The following LRMDA variants were observed in gnomAD, a reference collection of about 807,000 sequenced individuals.
The protein encoded by LRMDA is leucine-rich melanocyte differentiation-associated protein.
Under a neutral mutation model 29.8 loss-of-function variants are expected in LRMDA, and 18 were observed. The observed-to-expected ratio is 0.60, with a 90% confidence interval of 0.42 to 0.90. LRMDA has a LOEUF of 0.90. Ranked by LOEUF, LRMDA falls within the 40% of genes least tolerant of loss-of-function variation. The pLI, the probability that LRMDA is intolerant of heterozygous loss-of-function variation, is 0.00. For synonymous variants in LRMDA, 125 were observed against 109.4 expected (o/e 1.14, Z -0.89); for missense variants, 273 against 273.9 (o/e 1.00, Z 0.02).
intron 2 of LRMDA, among the ~76,000 whole-genome samples, chr10:76,020,055 T>A (rs1297623123): frequency 6.6e-6 from 1 of 152,220 alleles, no homozygotes; most frequent in African/African-American, 2.4e-5. Context: ...TGTAGTGAGT[T>A]CAGCCCACTG....
chr10:76,306,648 C>T (rs1000439581), intron 5 of LRMDA, among the ~76,000 whole-genome samples: 5 of 152,034 alleles, frequency 3.3e-5, no homozygotes, highest in Admixed American at 1.3e-4. Context: ...TAAAGAGGGC[C>T]GAGTGATAGA....
At chr10:76,095,677 T>A (rs1056834450) in intron 5 of LRMDA, among the ~76,000 whole-genome samples, 2 of 152,252 alleles carry the variant, frequency 1.3e-5, no homozygotes, top group Non-Finnish European at 2.9e-5. Context: ...AATATCTTTT[T>A]GTTTTAGTTT....
chr10:76,186,244 TTC>T (rs1374611838), intron 5 of LRMDA, among the ~76,000 whole-genome samples: 2 of 152,152 alleles, frequency 1.3e-5, no homozygotes, highest in Non-Finnish European at 2.9e-5. Context: ...AAGGCAGAAA[TTC>T]TCTGTTTAGC....
At chr10:76,148,081 G>A (rs997752527) in intron 5 of LRMDA, among the ~76,000 whole-genome samples, 2 of 152,184 alleles carry the variant, frequency 1.3e-5, no homozygotes, top group African/African-American at 4.8e-5. Context: ...CGTGTGAGGT[G>A]TCAGTCTGCC....
chr10:76,059,643 A>G (rs1202020592), intron 5 of LRMDA, among the ~76,000 whole-genome samples: 1 of 152,224 alleles, frequency 6.6e-6, no homozygotes, highest in Admixed American at 6.5e-5. Context: ...TGGCACTGAT[A>G]TCCTAGAAGT....
At chr10:75,782,573 G>C (rs753781107) in intron 2 of LRMDA, among the ~76,000 whole-genome samples, 2 of 152,150 alleles carry the variant, frequency 1.3e-5, no homozygotes, top group Non-Finnish European at 2.9e-5. Context: ...TTCAGCCTGA[G>C]GTCGGCCAGG....
At chr10:76,420,101 T>C (rs1440835312) in intron 6 of LRMDA, among the ~76,000 whole-genome samples, 2 of 151,954 alleles carry the variant, frequency 1.3e-5, no homozygotes, top group East Asian at 3.8e-4. Flanking sequence ...TTTCTTGTTT[T>C]TTCTATTCTT....
At chr10:75,820,996 G>A (rs1010817623) in intron 2 of LRMDA, among the ~76,000 whole-genome samples, 2 of 152,080 alleles carry the variant, frequency 1.3e-5, no homozygotes, top group African/African-American at 4.8e-5. Context: ...ATAATGAGTA[G>A]TGAAATTAAA....
chr10:75,599,427 G>A (rs1864483), intron 2 of LRMDA, among the ~76,000 whole-genome samples: 98,888 of 152,078 alleles, frequency 0.65, 32,357 homozygotes, highest in African/African-American at 0.69. Context: ...TCAAACAGCC[G>A]CCAAGCTGGT....
intron 2 of LRMDA, among the ~76,000 whole-genome samples, 176 bp from the exon 3 acceptor site, chr10:76,035,832 C>T (rs1490719712): frequency 6.6e-6 from 1 of 152,110 alleles, no homozygotes; most frequent in Non-Finnish European, 1.5e-5. Context: ...GCCCCTTCTC[C>T]CCCGCCGCCC....
chr10:76,376,329 C>T lies in LRMDA; in HGVS notation c.601+51844C>T, dbSNP rs78320126. 8.6e-3 allele frequency among the ~76,000 whole-genome samples: 1,315 copies of T among 152,190 alleles called. 15 individuals are homozygous for T. The highest frequency in any genetic ancestry group is 0.011 in the Non-Finnish European group (718 of 67,996). ...TTGCTGCAGAAAACATAATTTCATTCATTTTAGGGCTAAGTAGTATTCCAT... is the reference window on the plus strand; with the variant it reads ...TTGCTGCAGAAAACATAATTTCATTTATTTTAGGGCTAAGTAGTATTCCAT... On this transcript the variant is annotated intron_variant, in intron 6 of 6. Transcript: ENST00000611255.
At chr10:76,115,331 C>T (rs970386237) in intron 5 of LRMDA, among the ~76,000 whole-genome samples, 2 of 152,246 alleles carry the variant, frequency 1.3e-5, no homozygotes, top group African/African-American at 4.8e-5. Context: ...CCCTGCCTTC[C>T]CATTCAATGC....
chr10:75,840,588 A>G (rs911281776), intron 2 of LRMDA, among the ~76,000 whole-genome samples: 10 of 152,178 alleles, frequency 6.6e-5, no homozygotes, highest in African/African-American at 2.4e-4. Context: ...CACACGAGTG[A>G]GCACGCACGT....
chr10:75,923,149 C>T (rs1206292743), intron 2 of LRMDA, among the ~76,000 whole-genome samples: 1 of 152,228 alleles, frequency 6.6e-6, no homozygotes, highest in Non-Finnish European at 1.5e-5. Flanking sequence ...CTCATTACAT[C>T]TTCCATAGTC....
intron 2 of LRMDA, among the ~76,000 whole-genome samples, chr10:75,956,995 A>G (rs964242705): frequency 1.3e-5 from 2 of 152,216 alleles, no homozygotes; most frequent in African/African-American, 4.8e-5. Context: ...GCCTTCTTTT[A>G]CACTAAGCAA....
At chr10:76,105,559 G>A (rs561443671) in intron 5 of LRMDA, among the ~76,000 whole-genome samples, 29 of 152,244 alleles carry the variant, frequency 1.9e-4, no homozygotes, top group African/African-American at 6.7e-4. Flanking sequence ...AGACACAGGG[G>A]AGAAGGCCAG....
At position 76,363,215 on chromosome 10, in the gene LRMDA, A is replaced by AG. The variant is rs1554815873; in HGVS notation, c.601+38730_601+38731insG. 1.8e-3 allele frequency among the ~76,000 whole-genome samples: 44 copies of AG among 24,994 alleles called. 4 individuals carry two copies. The highest frequency in any genetic ancestry group is 7.6e-3 in the South Asian group (5 of 654). The allele number at this position is 24,994 out of a possible 152,430, so 16.4% of individuals were successfully genotyped here. On this transcript the variant is annotated intron_variant, in intron 6 of 6. Transcript: ENST00000611255. ...GAGGGAGGGAGGGAGGGAGGGAAGG[A>AG]AGAGAAAGAAAGAAAGAAAGAAAGA...
intron 5 of LRMDA, among the ~76,000 whole-genome samples, chr10:76,062,532 T>G (rs1032517648): frequency 1.3e-5 from 2 of 152,172 alleles, no homozygotes; most frequent in African/African-American, 4.8e-5. Context: ...CGTGGCTGCC[T>G]TTTAGCTTTT....
At chr10:75,697,521 G>C (rs921705018) in intron 2 of LRMDA, among the ~76,000 whole-genome samples, 6 of 145,258 alleles carry the variant, frequency 4.1e-5, no homozygotes, top group Admixed American at 1.4e-4. Flanking sequence ...TTTTTTTCTT[G>C]AGGTCAGAAT....
Sources: gnomAD v4.1 joint callset for allele counts (sites outside exome capture counted in the v4.1 genomes callset) on GRCh38, gnomAD v4.1.1 for gene constraint, MANE v1.5 for transcripts, NCBI Gene and HGNC (gene_info 2026-07-23, HGNC 2026-07-21) for gene names.